VPS35L: variants seen among roughly 807,000 people sequenced by gnomAD.
The protein encoded by VPS35L is VPS35 endosomal protein sorting factor like, also known as VPS35 endosomal protein-sorting factor-like.
VPS35L carries 83 observed loss-of-function variants against 133.0 expected under a neutral mutation model. The ratio of observed to expected loss-of-function variants is 0.62; its 90% CI spans 0.52 to 0.75. The LOEUF is 0.75. Among genes scored for constraint, VPS35L ranks in the 30% least tolerant of loss-of-function variants. The pLI is 0.00. For synonymous variants in VPS35L, 423 were observed against 449.9 expected (o/e 0.94, Z 0.76); for missense variants, 1,083 against 1,206.8 (o/e 0.90, Z 1.52).
At chr16:19,616,847 G>C in intron 14 of VPS35L, 39 bp downstream of exon 14, 4 of 1,613,818 alleles carry the variant, frequency 2.5e-6, no homozygotes, top group Non-Finnish European at 3.4e-6. Context: ...CTCACCTCCT[G>C]TATGGTGACA....
At chr16:19,580,802 A>C (rs1971685425) in intron 6 of VPS35L, among the ~76,000 whole-genome samples, 1 of 152,146 alleles carries the variant, frequency 6.6e-6, no homozygotes. Flanking sequence ...CACAGTTTAC[A>C]GTCCATTTCT....
At chr16:19,583,859 TC>T (rs1166920496) in intron 7 of VPS35L, among the ~76,000 whole-genome samples, 1 of 152,184 alleles carries the variant, frequency 6.6e-6, no homozygotes, top group African/African-American at 2.4e-5. Flanking sequence ...ACCTCTTTGT[TC>T]TCCCCTTGCC....
chr16:19,617,646 C>T (rs8060000), intron 14 of VPS35L: 31,883 of 151,980 alleles, frequency 0.21, 6,465 homozygotes, highest in African/African-American at 0.52. Flanking sequence ...CACATATTTT[C>T]TTTCTTTTCC....
In VPS35L at chr16:19,633,001, A is replaced by G. The variant is rs1347316967; in HGVS notation, c.1555-91A>G. 6 of 934,036 alleles carry G rather than the reference A, an allele frequency of 6.4e-6. No homozygotes were observed. Among genetic ancestry groups the G allele is most frequent in the Non-Finnish European group, 1.0e-5 (6 of 573,286 alleles). 57.9% of individuals were successfully genotyped at this position (934,036 alleles called of 1,614,324 possible). On this transcript the variant is annotated intron_variant, in intron 18 of 30. Coordinates refer to ENST00000417362, the MANE Select transcript of VPS35L (RefSeq NM_020314.7). This position sits in a 1 kb window ranked among gnomAD's most constrained non-coding sequence, Gnocchi z 4.1. The stretch of plus-strand genomic sequence containing the variant: ...TGATTTCCTGGAAGGTGTGTGATAT[A>G]TTCTGAATACGTTAGTCCTTTCCCC...
intron 8 of VPS35L, among the ~76,000 whole-genome samples, chr16:19,597,928 T>G (rs550365567): frequency 6.6e-6 from 1 of 152,234 alleles, no homozygotes; most frequent in Non-Finnish European, 1.5e-5. Context: ...TTCATGGTTG[T>G]TGACATCATT....
chr16:19,616,432 A>G (rs1972895285), intron 13 of VPS35L, among the ~76,000 whole-genome samples: 2 of 151,876 alleles, frequency 1.3e-5, no homozygotes, highest in Non-Finnish European at 2.9e-5. Flanking sequence ...CTTGCTTCTG[A>G]GCATCTGCTG....
chr16:19,646,667 GA>G (rs67569709), intron 23 of VPS35L, among the ~76,000 whole-genome samples: 41 of 143,780 alleles, frequency 2.9e-4, no homozygotes, highest in Admixed American at 2.8e-4. Flanking sequence ...TCTGTCTTGG[GA>G]AAAAAAAAAA....
At chr16:19,605,200 C>T (rs539816706) in intron 9 of VPS35L, among the ~76,000 whole-genome samples, 1 of 152,162 alleles carries the variant, frequency 6.6e-6, no homozygotes, top group African/African-American at 2.4e-5. Flanking sequence ...AAGAACTAGA[C>T]TCATTGGTCT....
At position 19,573,192 on chromosome 16, in the gene VPS35L, A is replaced by T. The variant is rs1350510828; in HGVS notation, c.359A>T (p.Lys120Ile). The T allele has an allele frequency of 6.2e-7, 1 of 1,613,976 alleles. No individual in the cohort carries two copies. The change falls in exon 4 of 31, where the codon AAA becomes ATA. Residue 120 changes from lysine to isoleucine, a missense_variant. Physicochemically the swap from Lys to Ile is moderately radical, Grantham distance 102 (BLOSUM62 -3). Transcript: ENST00000417362. ...VGSDFEPWTN[K>I]RGEILARYTT... is the part of the protein sequence containing the mutation. ...TCGGATTTTGAGCCTTGGACCAACA[A>T]ACGGGGAGAAATCCTTGCCCGGTAC...
chr16:19,618,119 A>G (rs959673093), intron 14 of VPS35L: 2 of 149,200 alleles, frequency 1.3e-5, no homozygotes, highest in Admixed American at 1.3e-4. Flanking sequence ...ACTGTGATAG[A>G]TGAAGCTTTC....
intron 12 of VPS35L, among the ~76,000 whole-genome samples, chr16:19,614,868 C>G (rs2151551632): frequency 6.6e-6 from 1 of 152,318 alleles, no homozygotes; most frequent in East Asian, 1.9e-4. Context: ...CTGGCACCTT[C>G]TCTATGATTA....
chr16:19,678,314 G>C (rs1975133423), intron 27 of VPS35L, among the ~76,000 whole-genome samples: 1 of 151,964 alleles, frequency 6.6e-6, no homozygotes, highest in South Asian at 2.1e-4. Flanking sequence ...GAGCCACTTT[G>C]TCAGCATTTG....
chr16:19,645,282 T>A (rs1393036829), intron 23 of VPS35L, among the ~76,000 whole-genome samples: 1 of 140,376 alleles, frequency 7.1e-6, no homozygotes, highest in Non-Finnish European at 1.5e-5. Flanking sequence ...GCCTTCCCTG[T>A]CTTTTTTCTT....
chr16:19,638,319 T>C (rs771263263), intron 20 of VPS35L, among the ~76,000 whole-genome samples: 1 of 152,252 alleles, frequency 6.6e-6, no homozygotes, highest in African/African-American at 2.4e-5. Flanking sequence ...TCTGGGACTT[T>C]ACATGTATTG....
intron 1 of VPS35L, among the ~76,000 whole-genome samples, chr16:19,564,233 A>G (rs537219921): frequency 4.0e-5 from 6 of 151,866 alleles, no homozygotes; most frequent in African/African-American, 1.2e-4. Flanking sequence ...ATGTGCCACC[A>G]CGCCCGGCTA....
chr16:19,632,673 C>A (rs117079471), intron 18 of VPS35L, among the ~76,000 whole-genome samples: 7 of 152,344 alleles, frequency 4.6e-5, no homozygotes, highest in Non-Finnish European at 8.8e-5. Flanking sequence ...TTGGCTGACT[C>A]CTGCTATAGG....
At chr16:19,572,184 C>G (rs1971403371) in intron 3 of VPS35L, among the ~76,000 whole-genome samples, 1 of 152,138 alleles carries the variant, frequency 6.6e-6, no homozygotes. Context: ...CTTTGGAAGG[C>G]TGAGGCGGGC....
chr16:19,658,657 C>A (rs567293249), intron 26 of VPS35L, among the ~76,000 whole-genome samples: 42 of 150,836 alleles, frequency 2.8e-4, no homozygotes, highest in African/African-American at 1.0e-3. Context: ...AATTTTAGAG[C>A]AGAGAGAATT....
At chr16:19,556,332 C>G (rs1484892850) in intron 1 of VPS35L, among the ~76,000 whole-genome samples, 1 of 142,306 alleles carries the variant, frequency 7.0e-6, no homozygotes, top group Non-Finnish European at 1.5e-5. Flanking sequence ...GTGATTATCC[C>G]CACCAGGGGG....
Sources: allele counts gnomAD v4.1 joint callset (sites outside exome capture counted in the v4.1 genomes callset), GRCh38; gene constraint gnomAD v4.1.1; non-coding constraint Gnocchi (gnomAD v3.1); transcripts MANE v1.5; gene names NCBI Gene and HGNC (gene_info 2026-07-23, HGNC 2026-07-21).